The following HS6ST3 variants were observed in gnomAD, a reference collection of about 807,000 sequenced individuals.
HS6ST3 encodes heparan-sulfate 6-O-sulfotransferase 3.
Under a neutral mutation model 36.7 loss-of-function variants are expected in HS6ST3, and 12 were observed. The observed-to-expected ratio is 0.33, with a 90% CI of 0.21 to 0.53. HS6ST3 has a LOEUF of 0.53. Ranked by LOEUF, HS6ST3 falls within the 20% of genes least tolerant of loss-of-function variation. The probability of loss-of-function intolerance (pLI) is 0.95; values close to 1 mark genes in which losing one functional copy is unlikely to be tolerated. For missense variants in HS6ST3, 584 were observed against 640.9 expected (o/e 0.91, Z 0.96); for synonymous variants, 240 against 257.5 (o/e 0.93, Z 0.65).
chr13:96,563,012 T>C (rs1417870291), intron 1 of HS6ST3, among the ~76,000 whole-genome samples: 1 of 139,284 alleles, frequency 7.2e-6, no homozygotes, highest in Non-Finnish European at 1.5e-5. Context: ...AGGCCTAGAC[T>C]GAGCAATGGA....
rs3052119 is a variant in HS6ST3 at position 96,706,413 on chromosome 13, TTATATATATATATATA to T, written c.708-126064_708-126049del. Among the ~76,000 whole-genome samples the T allele has an allele frequency of 2.5e-4, 30 of 121,030 alleles. 2 individuals are homozygous for T. The highest frequency in any genetic ancestry group is 7.8e-4 in the African/African-American group (22 of 28,304). The allele number at this position is 121,030 out of a possible 152,430, so 79.4% of individuals were successfully genotyped here. A position where few individuals can be genotyped will look rare whatever the true frequency, so the allele number is the denominator to read the frequency against. On this transcript the variant is annotated intron_variant, in intron 1 of 1. Transcript: ENST00000376705. ...TATATAAAATATAATAGAATATATT[TTATATATATATATATA>T]TATATATATATAATCAGGGAAAGTA...
intron 1 of HS6ST3, among the ~76,000 whole-genome samples, chr13:96,183,260 G>A (rs368385063): frequency 1.3e-5 from 2 of 152,116 alleles, no homozygotes; most frequent in Admixed American, 1.3e-4. Context: ...TATCTAAGAG[G>A]TATACCTTCA....
intron 1 of HS6ST3, among the ~76,000 whole-genome samples, chr13:96,427,856 G>C (rs530551239): frequency 6.6e-6 from 1 of 152,226 alleles, no homozygotes; most frequent in Admixed American, 6.5e-5. Context: ...TCTTGACCTT[G>C]ACACTTTGAG....
intron 1 of HS6ST3, among the ~76,000 whole-genome samples, chr13:96,718,996 C>T (rs185983098): frequency 3.3e-5 from 5 of 152,210 alleles, no homozygotes; most frequent in East Asian, 1.9e-4. Flanking sequence ...CTATTTCATC[C>T]GGTCATGGTG....
intron 1 of HS6ST3, among the ~76,000 whole-genome samples, chr13:96,226,899 T>C (rs2139365401): frequency 6.6e-6 from 1 of 152,352 alleles, no homozygotes; most frequent in South Asian, 2.1e-4. Context: ...CTCTTAACAT[T>C]ATTCACATTA....
chr13:96,222,908 A>AT (rs1260407823), intron 1 of HS6ST3, among the ~76,000 whole-genome samples: 1 of 152,138 alleles, frequency 6.6e-6, no homozygotes, highest in African/African-American at 2.4e-5. Context: ...GTGTATATAT[A>AT]TGTTTCAGTG....
intron 1 of HS6ST3, among the ~76,000 whole-genome samples, chr13:96,467,608 A>T (rs1333567488): frequency 6.6e-6 from 1 of 152,152 alleles, no homozygotes; most frequent in African/African-American, 2.4e-5. Context: ...AATCTAAAGG[A>T]ACAGATATCT....
At chr13:96,640,697 A>T (rs1237267264) in intron 1 of HS6ST3, among the ~76,000 whole-genome samples, 1 of 151,986 alleles carries the variant, frequency 6.6e-6, no homozygotes, top group East Asian at 1.9e-4. Flanking sequence ...GAGGTCTTAC[A>T]TGAAAATTTT....
chr13:96,744,256 A>G (rs1402960424), intron 1 of HS6ST3, among the ~76,000 whole-genome samples: 3 of 152,036 alleles, frequency 2.0e-5, no homozygotes, highest in African/African-American at 4.8e-5. Flanking sequence ...AATTCAAATT[A>G]CAAGTCAGTT....
At chr13:96,799,968 A>ATATATATATATATGTG (rs1878013120) in intron 1 of HS6ST3, among the ~76,000 whole-genome samples, 2 of 69,550 alleles carry the variant, frequency 2.9e-5, no homozygotes, top group African/African-American at 1.6e-4. Context: ...ATATATGTGT[A>ATATATATATATATGTG]TATATATATA....
intron 1 of HS6ST3, among the ~76,000 whole-genome samples, chr13:96,513,911 G>A (rs1169952977): frequency 3.3e-5 from 5 of 151,870 alleles, no homozygotes; most frequent in Non-Finnish European, 7.4e-5. Flanking sequence ...CAGAGAGGAG[G>A]CCCTGAGACA....
intron 1 of HS6ST3, among the ~76,000 whole-genome samples, chr13:96,780,543 A>C (rs964470367): frequency 2.6e-5 from 4 of 152,056 alleles, no homozygotes; most frequent in Non-Finnish European, 4.4e-5. Context: ...TTGAGAATTG[A>C]GTGAATGCTA....
At chr13:96,749,263 A>T (rs1323876734) in intron 1 of HS6ST3, among the ~76,000 whole-genome samples, 1 of 152,156 alleles carries the variant, frequency 6.6e-6, no homozygotes, top group East Asian at 1.9e-4. Context: ...TACTATCATT[A>T]AGGATAAGTC....
At chr13:96,341,538 TA>T (rs2055130161) in intron 1 of HS6ST3, among the ~76,000 whole-genome samples, 1 of 152,148 alleles carries the variant, frequency 6.6e-6, no homozygotes, top group South Asian at 2.1e-4. Flanking sequence ...CTTTTCAAAC[TA>T]GAATATTCTC....
intron 1 of HS6ST3, among the ~76,000 whole-genome samples, chr13:96,646,283 G>A (rs2056588358): frequency 6.6e-6 from 1 of 152,012 alleles, no homozygotes; most frequent in African/African-American, 2.4e-5. Flanking sequence ...GAAATGAAGA[G>A]CTCTTACCCT....
intron 1 of HS6ST3, among the ~76,000 whole-genome samples, chr13:96,439,425 C>T (rs1431859896): frequency 6.6e-6 from 1 of 152,164 alleles, no homozygotes; most frequent in Non-Finnish European, 1.5e-5. Flanking sequence ...TTCCAAGGGA[C>T]ATATGTTTAG....
chr13:96,827,156 G>T (rs1367709639), intron 1 of HS6ST3, among the ~76,000 whole-genome samples: 1 of 152,152 alleles, frequency 6.6e-6, no homozygotes, highest in Non-Finnish European at 1.5e-5. Context: ...ATCACGGGGT[G>T]CCTAAGATCT....
intron 1 of HS6ST3, among the ~76,000 whole-genome samples, chr13:96,224,878 T>C (rs1566293491): frequency 6.6e-6 from 1 of 152,240 alleles, no homozygotes; most frequent in African/African-American, 2.4e-5. Flanking sequence ...TACTTTGATT[T>C]CTTTTAGGCC....
chr13:96,816,401 T>C (rs551436319), intron 1 of HS6ST3, among the ~76,000 whole-genome samples: 4 of 152,192 alleles, frequency 2.6e-5, no homozygotes, highest in Admixed American at 6.5e-5. Context: ...CACGTTGTAC[T>C]GGGGGGCATT....
Sources: gnomAD v4.1 joint callset for allele counts (sites outside exome capture counted in the v4.1 genomes callset) on GRCh38, gnomAD v4.1.1 for gene constraint, MANE v1.5 for transcripts, NCBI Gene and HGNC (gene_info 2026-07-23, HGNC 2026-07-21) for gene names.